The following KCNJ6 variants were observed in gnomAD, a reference collection of about 807,000 sequenced individuals.
KCNJ6 encodes potassium inwardly rectifying channel subfamily J member 6.
KCNJ6 carries 9 observed loss-of-function variants against 34.2 expected under a neutral mutation model. The observed-to-expected ratio is 0.26, with a 90% CI of 0.16 to 0.46. The LOEUF (loss-of-function observed/expected upper bound fraction) is 0.46. KCNJ6 is among the 20% of genes least tolerant of loss of function. KCNJ6 has a pLI of 1.00. For missense variants in KCNJ6, 236 were observed against 531.3 expected (o/e 0.44, Z 5.46); for synonymous variants, 196 against 207.1 (o/e 0.95, Z 0.46).
intron 3 of KCNJ6, among the ~76,000 whole-genome samples, chr21:37,666,175 G>A (rs953555558): frequency 3.3e-5 from 5 of 152,172 alleles, no homozygotes; most frequent in Non-Finnish European, 7.4e-5. Flanking sequence ...AGGCTCAGAG[G>A]GGAGAAGATG....
At chr21:37,849,839 G>C (rs944535697) in intron 1 of KCNJ6, among the ~76,000 whole-genome samples, 20 of 152,212 alleles carry the variant, frequency 1.3e-4, no homozygotes, top group African/African-American at 4.6e-4. Context: ...CAAAGTAACA[G>C]AGCAAGTCAG....
At chr21:37,720,155 T>TTTTCTAGAATA (rs1191847852) in intron 2 of KCNJ6, among the ~76,000 whole-genome samples, 2 of 152,022 alleles carry the variant, frequency 1.3e-5, no homozygotes, top group Non-Finnish European at 2.9e-5. Context: ...ATTTTTGAAA[T>TTTTCTAGAATA]TTTCTAGAAT....
At chr21:37,889,991 AT>A (rs575129186) in intron 1 of KCNJ6, among the ~76,000 whole-genome samples, 2 of 151,888 alleles carry the variant, frequency 1.3e-5, no homozygotes, top group Admixed American at 6.6e-5. Flanking sequence ...GCACAAATTC[AT>A]TTTTTTTCTT....
At chr21:37,798,959 G>C (rs2055256354) in intron 2 of KCNJ6, among the ~76,000 whole-genome samples, 1 of 152,128 alleles carries the variant, frequency 6.6e-6, no homozygotes, top group Non-Finnish European at 1.5e-5. Flanking sequence ...ACATGTGCAG[G>C]TTTGTTATAT....
intron 1 of KCNJ6, among the ~76,000 whole-genome samples, chr21:37,881,408 T>A (rs549598096): frequency 6.6e-6 from 1 of 152,088 alleles, no homozygotes; most frequent in Non-Finnish European, 1.5e-5. Context: ...AAGGGCTCCT[T>A]TCCTAGCCTA....
chr21:37,887,581 G>A (rs1045065592), intron 1 of KCNJ6, among the ~76,000 whole-genome samples: 8 of 152,160 alleles, frequency 5.3e-5, no homozygotes, highest in African/African-American at 1.2e-4. Context: ...GAAATGTTAC[G>A]TGCTGTAAAT....
intron 2 of KCNJ6, among the ~76,000 whole-genome samples, chr21:37,840,308 T>G (rs1388238874): frequency 6.6e-6 from 1 of 152,218 alleles, no homozygotes; most frequent in Non-Finnish European, 1.5e-5. Context: ...GCCCGTGGAA[T>G]AGATGCCCAG....
chr21:37,661,784 C>T (rs1347522997), intron 3 of KCNJ6, among the ~76,000 whole-genome samples: 3 of 75,312 alleles, frequency 4.0e-5, no homozygotes, highest in South Asian at 6.6e-4. Flanking sequence ...CACCATGCCC[C>T]GCTAATTTTT....
chr21:37,659,524 A>G (rs2054478734), intron 3 of KCNJ6, among the ~76,000 whole-genome samples: 1 of 152,258 alleles, frequency 6.6e-6, no homozygotes, highest in Non-Finnish European at 1.5e-5. Flanking sequence ...AAGAGAAAGA[A>G]GAGCGGAAAA....
intron 2 of KCNJ6, among the ~76,000 whole-genome samples, chr21:37,720,439 TGAG>T (rs2054818968): frequency 6.6e-6 from 1 of 151,152 alleles, no homozygotes; most frequent in Non-Finnish European, 1.5e-5. Context: ...TGAGGCAACT[TGAG>T]GAGTGAAACC....
At chr21:37,867,107 C>G (rs1250724202) in intron 1 of KCNJ6, among the ~76,000 whole-genome samples, 3 of 152,166 alleles carry the variant, frequency 2.0e-5, no homozygotes, top group African/African-American at 7.2e-5. Context: ...AGAAATGTGC[C>G]ATTCTTTGAC....
chr21:37,651,381 G>A (rs772498776), intron 3 of KCNJ6, among the ~76,000 whole-genome samples: 2 of 152,204 alleles, frequency 1.3e-5, no homozygotes, highest in Admixed American at 6.5e-5. Flanking sequence ...GAGTTTGGAG[G>A]AGATAGATAG....
chr21:37,812,983 T>C (rs2055330160), intron 2 of KCNJ6, among the ~76,000 whole-genome samples: 1 of 152,292 alleles, frequency 6.6e-6, no homozygotes, highest in African/African-American at 2.4e-5. Flanking sequence ...TTGTCCTTGT[T>C]TGCAGATGAT....
At chr21:37,738,563 T>A (rs773576104) in intron 2 of KCNJ6, among the ~76,000 whole-genome samples, 21 of 152,234 alleles carry the variant, frequency 1.4e-4, no homozygotes, top group South Asian at 2.1e-4. Context: ...ACTCAACATT[T>A]GCGAATGATG....
At chr21:37,819,025 A>C (rs2055361503) in intron 2 of KCNJ6, among the ~76,000 whole-genome samples, 1 of 152,236 alleles carries the variant, frequency 6.6e-6, no homozygotes, top group Non-Finnish European at 1.5e-5. Context: ...CTTCACCCCT[A>C]GAACTCTTTT....
intron 3 of KCNJ6, among the ~76,000 whole-genome samples, chr21:37,636,699 A>G (rs187889946): frequency 6.6e-6 from 1 of 152,376 alleles, no homozygotes; most frequent in East Asian, 1.9e-4. Flanking sequence ...CACTGAGCAA[A>G]CACAGGGGCA....
intron 1 of KCNJ6, among the ~76,000 whole-genome samples, chr21:37,843,071 C>A (rs1441216942): frequency 2.0e-5 from 3 of 152,130 alleles, no homozygotes; most frequent in African/African-American, 7.2e-5. Context: ...GAGAACCCCC[C>A]AACGCCAAAC....
chr21:37,832,908 T>A (rs998467876), intron 2 of KCNJ6, among the ~76,000 whole-genome samples: 1 of 152,192 alleles, frequency 6.6e-6, no homozygotes, highest in African/African-American at 2.4e-5. Flanking sequence ...TCGTTCCAAT[T>A]CTGTCGCCCC....
intron 3 of KCNJ6, among the ~76,000 whole-genome samples, chr21:37,700,185 T>C (rs940889075): frequency 6.6e-5 from 10 of 152,260 alleles, no homozygotes; most frequent in African/African-American, 2.2e-4. Context: ...TGAAACATCA[T>C]GGAGATTTGC....
Sources: allele counts gnomAD v4.1 joint callset (sites outside exome capture counted in the v4.1 genomes callset), GRCh38; gene constraint gnomAD v4.1.1; transcripts MANE v1.5; gene names NCBI Gene and HGNC (gene_info 2026-07-23, HGNC 2026-07-21).